Variants in MARCHF5 observed in about 807,000 individuals in gnomAD.
The protein encoded by MARCHF5 is E3 ubiquitin-protein ligase MARCHF5.
In MARCHF5, 5 loss-of-function variants were observed where a neutral mutation model predicts 36.5. The ratio of observed to expected loss-of-function variants is 0.14; its 90% CI spans 0.07 to 0.29. MARCHF5 has a LOEUF of 0.29. MARCHF5 is among the 10% of genes least tolerant of loss of function. The probability of loss-of-function intolerance (pLI) is 1.00; values close to 1 mark genes in which losing one functional copy is unlikely to be tolerated. For synonymous variants in MARCHF5, 103 were observed against 109.9 expected (o/e 0.94, Z 0.39); for missense variants, 179 against 336.3 (o/e 0.53, Z 3.66).
At chr10:92,336,138 C>T (rs1843499687) in intron 2 of MARCHF5, among the ~76,000 whole-genome samples, 1 of 152,112 alleles carries the variant, frequency 6.6e-6, no homozygotes, top group African/African-American at 2.4e-5. Flanking sequence ...CAGGTTCGAG[C>T]GATTCTTCTG....
intron 1 of MARCHF5, among the ~76,000 whole-genome samples, chr10:92,301,924 G>A (rs761186540): frequency 6.6e-6 from 1 of 152,106 alleles, no homozygotes; most frequent in Admixed American, 6.5e-5. Context: ...AGCTGGGCAT[G>A]GTGGCACACA....
At chr10:92,347,160 G>A (rs1029696002) in intron 3 of MARCHF5, among the ~76,000 whole-genome samples, 9 of 138,710 alleles carry the variant, frequency 6.5e-5, no homozygotes, top group South Asian at 2.5e-4. Flanking sequence ...CCTGGGAAAC[G>A]TAGCAAGACC....
In MARCHF5 at chr10:92,291,436, C is replaced by T; in HGVS notation, c.-59C>T. ...CCGCCGCCTCTCAGTGCTATTGTCCCTGGGCCTGGCCTTGAGCGGGTCCAC... is the reference window on the plus strand; with the variant it reads ...CCGCCGCCTCTCAGTGCTATTGTCCTTGGGCCTGGCCTTGAGCGGGTCCAC... On this transcript the variant is annotated 5_prime_UTR_variant, in exon 1 of 6. Transcript: ENST00000358935. The T allele has an allele frequency of 1.4e-6, 2 of 1,443,276 alleles. No homozygotes were observed. The highest frequency in any genetic ancestry group is 5.0e-5 in the East Asian group (2 of 40,256). 89.4% of individuals were successfully genotyped at this position (1,443,276 alleles called of 1,614,324 possible). A position where few individuals can be genotyped will look rare whatever the true frequency, so the allele number is the denominator to read the frequency against.
rs963665960 is a variant in MARCHF5 at position 92,294,280 on chromosome 10, A to G, written c.35+2751A>G. ...TGTGACTTTGAACTTAGATTCTGAC[A>G]CTATGTATATTATCATTTATAAAAT... On this transcript the variant is annotated intron_variant, in intron 1 of 5. Coordinates refer to ENST00000358935, the MANE Select transcript of MARCHF5 (RefSeq NM_017824.5). Among the ~76,000 whole-genome samples the G allele has an allele frequency of 3.3e-5, 5 of 152,212 alleles. No individual in the cohort carries two copies. In the East Asian group the frequency reaches 7.7e-4, roughly 23 times the overall value.
intron 2 of MARCHF5, among the ~76,000 whole-genome samples, chr10:92,336,592 G>T (rs1205624341): frequency 1.3e-5 from 2 of 152,076 alleles, no homozygotes; most frequent in Non-Finnish European, 1.5e-5. Flanking sequence ...GTAATCAAAT[G>T]GGGAGTGTGA....
intron 3 of MARCHF5, among the ~76,000 whole-genome samples, chr10:92,347,067 G>A (rs1180726623): frequency 6.6e-6 from 1 of 152,180 alleles, no homozygotes; most frequent in Non-Finnish European, 1.5e-5. Flanking sequence ...TTCTTAGCCA[G>A]ACGTGGTGGC....
Position 92,351,834 on chromosome 10 carries a change from A to G in MARCHF5, c.*627A>G, listed in dbSNP as rs1479283820. 1 of 152,088 alleles carries G rather than the reference A, an allele frequency of 6.6e-6. No individual in the cohort carries two copies. The highest frequency in any genetic ancestry group is 2.4e-5 in the African/African-American group (1 of 41,320). 9.4% of individuals were successfully genotyped at this position (152,088 alleles called of 1,614,324 possible). A position where few individuals can be genotyped will look rare whatever the true frequency, so the allele number is the denominator to read the frequency against. ...CACAGGGCTTCCAGATCACTTTTTCAATATTAAATTTTATTTACATAATGT... is the reference window on the plus strand; with the variant it reads ...CACAGGGCTTCCAGATCACTTTTTCGATATTAAATTTTATTTACATAATGT... On this transcript the variant is annotated 3_prime_UTR_variant, in exon 6 of 6. Coordinates refer to ENST00000358935, the MANE Select transcript of MARCHF5 (RefSeq NM_017824.5).
intron 1 of MARCHF5, among the ~76,000 whole-genome samples, chr10:92,300,180 G>GA (rs199897931): frequency 6.7e-6 from 1 of 148,962 alleles, no homozygotes; most frequent in Non-Finnish European, 1.5e-5. Flanking sequence ...AAAAAGAAAA[G>GA]AAAAGAAAAA....
intron 2 of MARCHF5, among the ~76,000 whole-genome samples, chr10:92,313,034 G>A (rs1441222062): frequency 6.6e-6 from 1 of 152,002 alleles, no homozygotes; most frequent in Non-Finnish European, 1.5e-5. Context: ...AGGAGTTCGA[G>A]ACCAACCCGG....
At position 92,307,829 on chromosome 10, in the gene MARCHF5, A is replaced by G. The variant is rs1207703083; in HGVS notation, c.36-3306A>G. On this transcript the variant is annotated intron_variant, in intron 1 of 5. Coordinates refer to ENST00000358935, the MANE Select transcript of MARCHF5 (RefSeq NM_017824.5). ...GCGGAGGTTGCAGTGAGCCGAGACC[A>G]CCACTGCACTCCAGCCTGGGCAACA... 2.0e-5 allele frequency among the ~76,000 whole-genome samples: 3 copies of G among 151,662 alleles called. No individual in the cohort carries two copies. The South Asian group carries it at 6.3e-4, about 32-fold the overall frequency.
At position 92,291,322 on chromosome 10, in the gene MARCHF5, C is replaced by T. The variant is rs4564242; in HGVS notation, c.-173C>T. 2,988 of 619,780 alleles carry T rather than the reference C, an allele frequency of 4.8e-3. 73 individuals carry two copies. In the African/African-American group the frequency reaches 0.05, roughly 10 times the overall value. 38.4% of individuals were successfully genotyped at this position (619,780 alleles called of 1,614,324 possible). On this transcript the variant is annotated 5_prime_UTR_variant, in exon 1 of 6. The change creates a premature stop within an existing upstream ORF in the 5' untranslated region. Transcript: ENST00000358935. ...CTCCGCCGCCTCCGCCGGACTCCCG[C>T]AGGCCCTGCACCGCCGCCGCCAGGC...
intron 1 of MARCHF5, among the ~76,000 whole-genome samples, chr10:92,292,359 T>C (rs1206067231): frequency 6.6e-6 from 1 of 152,218 alleles, no homozygotes; most frequent in Non-Finnish European, 1.5e-5. Flanking sequence ...CTTCCTGGCA[T>C]AGCAAGTTGT....
At position 92,316,620 on chromosome 10, in the gene MARCHF5, C is replaced by T. The variant is rs192521458; in HGVS notation, c.238+5283C>T. 7.8e-3 allele frequency among the ~76,000 whole-genome samples: 1,187 copies of T among 152,232 alleles called. 22 individuals carry two copies. The highest frequency in any genetic ancestry group is 7.5e-3 in the Non-Finnish European group (508 of 68,020). ...CTTTGTTGCCTACGCTGGAGTACAG[C>T]AGCATGATCATAGCTCACTGCAGCC... is the stretch of plus-strand genomic sequence containing the variant. On this transcript the variant is annotated intron_variant, in intron 2 of 5. Coordinates refer to ENST00000358935, the MANE Select transcript of MARCHF5 (RefSeq NM_017824.5).
At chr10:92,321,731 T>C (rs1843290607) in intron 2 of MARCHF5, among the ~76,000 whole-genome samples, 1 of 152,148 alleles carries the variant, frequency 6.6e-6, no homozygotes, top group African/African-American at 2.4e-5. Context: ...CTTACAGGTC[T>C]ATTCAGATTT....
At chr10:92,318,933 C>T (rs561137143) in intron 2 of MARCHF5, among the ~76,000 whole-genome samples, 2 of 152,038 alleles carry the variant, frequency 1.3e-5, no homozygotes, top group South Asian at 4.1e-4. Flanking sequence ...TCTCAAACTC[C>T]TGACCTCAGG....
intron 3 of MARCHF5, among the ~76,000 whole-genome samples, chr10:92,348,298 G>T (rs1843680789): frequency 1.3e-5 from 2 of 152,026 alleles, no homozygotes; most frequent in Non-Finnish European, 2.9e-5. Context: ...AGACCAACCT[G>T]GCCAACATGA....
At chr10:92,325,099 G>T (rs1365822717) in intron 2 of MARCHF5, among the ~76,000 whole-genome samples, 1 of 152,060 alleles carries the variant, frequency 6.6e-6, no homozygotes, top group African/African-American at 2.4e-5. Flanking sequence ...TTGGAAGGTC[G>T]AGGCGGGGGG....
intron 2 of MARCHF5, among the ~76,000 whole-genome samples, chr10:92,328,856 GT>G (rs1013620472): frequency 1.2e-4 from 16 of 137,060 alleles, no homozygotes; most frequent in Admixed American, 7.7e-5. Context: ...CTGATAGATA[GT>G]TTGTGTGCTT....
At chr10:92,313,738 A>T (rs1014451861) in intron 2 of MARCHF5, among the ~76,000 whole-genome samples, 1 of 151,922 alleles carries the variant, frequency 6.6e-6, no homozygotes, top group Non-Finnish European at 1.5e-5. Flanking sequence ...AAATAACAAA[A>T]AAAAATTAGC....
Sources: allele counts gnomAD v4.1 joint callset (sites outside exome capture counted in the v4.1 genomes callset), GRCh38; gene constraint gnomAD v4.1.1; transcripts MANE v1.5; gene names NCBI Gene and HGNC (gene_info 2026-07-23, HGNC 2026-07-21).